The following PCDH15 variants were observed in gnomAD, a reference collection of about 807,000 sequenced individuals.
PCDH15 encodes protocadherin related 15.
PCDH15 carries 129 observed loss-of-function variants against 178.5 expected under a neutral mutation model. That is an observed-to-expected ratio of 0.72 (90% CI 0.63 to 0.84). PCDH15 has a LOEUF of 0.84. PCDH15 is among the 40% of genes least tolerant of loss of function. The pLI, the probability that PCDH15 is intolerant of heterozygous loss-of-function variation, is 0.00. For missense variants in PCDH15, 2,230 were observed against 2,099.9 expected (o/e 1.06, Z -1.21); for synonymous variants, 800 against 732.0 (o/e 1.09, Z -1.50).
At chr10:54,106,267 G>A (rs2094916213) in intron 15 of PCDH15, among the ~76,000 whole-genome samples, 2 of 152,038 alleles carry the variant, frequency 1.3e-5, no homozygotes, top group South Asian at 4.2e-4. Context: ...TAGATTTTAG[G>A]GTAAATGAAT....
chr10:54,583,444 G>A (rs2091213891), intron 2 of PCDH15, among the ~76,000 whole-genome samples: 1 of 151,888 alleles, frequency 6.6e-6, no homozygotes, highest in African/African-American at 2.4e-5. Context: ...GGTATCTCAA[G>A]GCAAGACTAG....
intron 1 of PCDH15, among the ~76,000 whole-genome samples, chr10:54,699,758 A>G (rs189599619): frequency 6.6e-6 from 1 of 152,190 alleles, no homozygotes; most frequent in Admixed American, 6.6e-5. Context: ...TTTTAATAAC[A>G]TATTTAGAAT....
intron 2 of PCDH15, among the ~76,000 whole-genome samples, chr10:55,345,283 C>T (rs914808091): frequency 6.6e-5 from 10 of 151,624 alleles, no homozygotes; most frequent in South Asian, 2.1e-4. Context: ...TAAAATATAC[C>T]GAAAGCCAGT....
Position 53,961,760 on chromosome 10 carries a change from T to C in PCDH15, c.3001A>G (p.Ile1001Val), listed in dbSNP as rs146327982. Reference sequence around the variant, plus strand: ...TGAAAAGAGACACTGACCTTAAAAATTGTTGTAGGTTCTTCATTAAGATTG... The same window carrying C: ...TGAAAAGAGACACTGACCTTAAAAACTGTTGTAGGTTCTTCATTAAGATTG... ...RVNLNEEPTT[I>V]FKLVVVAFDD... Residue 1001 changes from isoleucine (I) to valine (V), a missense_variant, in exon 22 of 38, where the codon ATT becomes GTT. Ile to Val is a conservative substitution (Grantham distance 29, BLOSUM62 3). Transcript: ENST00000644397. 181 of 1,603,228 alleles carry C rather than the reference T, an allele frequency of 1.1e-4. No individual in the cohort carries two copies. Among genetic ancestry groups the C allele is most frequent in the Non-Finnish European group, 1.5e-4 (175 of 1,174,560 alleles).
At chr10:54,723,797 A>T (rs530402342) in intron 1 of PCDH15, among the ~76,000 whole-genome samples, 1 of 151,846 alleles carries the variant, frequency 6.6e-6, no homozygotes, top group Non-Finnish European at 1.5e-5. Context: ...ATTGCTAAAC[A>T]TCAGTAATCA....
At chr10:54,861,537 G>A (rs1953843133) in intron 3 of PCDH15, among the ~76,000 whole-genome samples, 2 of 152,006 alleles carry the variant, frequency 1.3e-5, no homozygotes, top group Non-Finnish European at 2.9e-5. Context: ...AGGCATCAAA[G>A]GAACATACTT....
chr10:54,026,757 T>C (rs1208755591), intron 18 of PCDH15, among the ~76,000 whole-genome samples: 1 of 152,186 alleles, frequency 6.6e-6, no homozygotes, highest in East Asian at 1.9e-4. Flanking sequence ...TGCTAAAAAC[T>C]CTCAATAAAT....
intron 14 of PCDH15, among the ~76,000 whole-genome samples, chr10:54,144,896 T>C (rs1398060781): frequency 6.6e-6 from 1 of 152,158 alleles, no homozygotes; most frequent in Admixed American, 6.6e-5. Context: ...AAAATCTGCT[T>C]TCCATTTCTC....
chr10:54,562,061 G>A (rs2088258083), intron 2 of PCDH15, among the ~76,000 whole-genome samples: 1 of 141,912 alleles, frequency 7.0e-6, no homozygotes, highest in South Asian at 2.2e-4. Context: ...TGTGATCTTG[G>A]TTCACTGCAA....
intron 3 of PCDH15, among the ~76,000 whole-genome samples, chr10:54,421,916 A>ATATGTATACAC: frequency 8.9e-6 from 1 of 112,178 alleles, no homozygotes; most frequent in Non-Finnish European, 1.8e-5. Context: ...TATACACTAT[A>ATATGTATACAC]TATATATATA....
At chr10:54,782,505 T>A (rs1241976099) in intron 1 of PCDH15, among the ~76,000 whole-genome samples, 2 of 152,162 alleles carry the variant, frequency 1.3e-5, no homozygotes, top group African/African-American at 2.4e-5. Context: ...CTACCAAATC[T>A]GTTCTTTTTC....
chr10:55,318,412 T>C (rs1307583856), intron 1 of PCDH15, among the ~76,000 whole-genome samples: 1 of 152,084 alleles, frequency 6.6e-6, no homozygotes, highest in Non-Finnish European at 1.5e-5. Flanking sequence ...GAAAATATAG[T>C]TCATTTTGAA....
intron 2 of PCDH15, among the ~76,000 whole-genome samples, chr10:54,971,328 T>C (rs943231758): frequency 6.6e-6 from 1 of 152,082 alleles, no homozygotes; most frequent in Admixed American, 6.6e-5. Context: ...ATGGGTCCTT[T>C]TGTCCTTCCA....
At chr10:54,377,337 C>T (rs1028082297) in intron 4 of PCDH15, among the ~76,000 whole-genome samples, 1 of 151,904 alleles carries the variant, frequency 6.6e-6, no homozygotes, top group Non-Finnish European at 1.5e-5. Context: ...ACTAAAAGCC[C>T]AGATTTACCT....
intron 2 of PCDH15, among the ~76,000 whole-genome samples, chr10:55,408,072 C>T (rs573219042): frequency 4.5e-4 from 68 of 152,240 alleles, no homozygotes; most frequent in African/African-American, 1.6e-3. Flanking sequence ...CATCACAGAA[C>T]CCAATGATTT....
intron 18 of PCDH15, among the ~76,000 whole-genome samples, chr10:54,033,709 T>G (rs924630683): frequency 3.9e-5 from 6 of 152,028 alleles, no homozygotes; most frequent in African/African-American, 1.4e-4. Context: ...TTTATTTGAT[T>G]ATGCTTACAT....
At chr10:55,177,189 A>C (rs1839514069) in intron 1 of PCDH15, among the ~76,000 whole-genome samples, 1 of 152,150 alleles carries the variant, frequency 6.6e-6, no homozygotes. Context: ...CTAAATCTTC[A>C]AGCAACTGAG....
chr10:53,880,604 TAA>T lies in PCDH15; in HGVS notation c.3502-13749_3502-13748del, dbSNP rs58460491. ...CAAAAAGCTCTATTACAAAAATTTT[TAA>T]AAAAACCTTTCTTATTGCTTTCATA... On this transcript the variant is annotated intron_variant, in intron 26 of 37. Transcript: ENST00000644397. 2.6e-3 allele frequency among the ~76,000 whole-genome samples: 387 copies of T among 151,434 alleles called. 1 individual carries two copies. The highest frequency in any genetic ancestry group is 8.7e-3 in the African/African-American group (358 of 41,256).
intron 1 of PCDH15, among the ~76,000 whole-genome samples, chr10:54,774,876 C>A (rs953775019): frequency 1.3e-5 from 2 of 151,836 alleles, no homozygotes; most frequent in Admixed American, 6.6e-5. Flanking sequence ...ATTAAATGTC[C>A]TCCTGCCTTG....
Sources: gnomAD v4.1 joint callset for allele counts (sites outside exome capture counted in the v4.1 genomes callset) on GRCh38, gnomAD v4.1.1 for gene constraint, MANE v1.5 for transcripts, NCBI Gene and HGNC (gene_info 2026-07-23, HGNC 2026-07-21) for gene names.